Variants in NIPA1 observed in about 807,000 individuals in gnomAD.
The protein encoded by NIPA1 is magnesium transporter NIPA1.
A neutral mutation model predicts 23.9 loss-of-function variants in NIPA1; 13 were observed. The ratio of observed to expected loss-of-function variants is 0.54; its 90% CI spans 0.35 to 0.87. NIPA1 has a LOEUF of 0.87. Among genes scored for constraint, NIPA1 ranks in the 40% least tolerant of loss-of-function variants. NIPA1 has a pLI of 0.01. For synonymous variants in NIPA1, 234 were observed against 202.9 expected (o/e 1.15, Z -1.30); for missense variants, 362 against 429.7 (o/e 0.84, Z 1.39).
chr15:22,790,147 T>G (rs1010325488), intron 1 of NIPA1, among the ~76,000 whole-genome samples: 3 of 152,030 alleles, frequency 2.0e-5, no homozygotes, highest in Admixed American at 6.6e-5. Flanking sequence ...AAGTAGACTT[T>G]GAAGAGGGCC....
At chr15:22,816,387 C>T (rs774141669) in intron 3 of NIPA1, among the ~76,000 whole-genome samples, 19 of 150,164 alleles carry the variant, frequency 1.3e-4, no homozygotes, top group Non-Finnish European at 2.4e-4. Context: ...CGGGGTTTCA[C>T]CATGTTAGCC....
At chr15:22,802,864 G>C (rs796106614) in intron 1 of NIPA1, among the ~76,000 whole-genome samples, 6 of 152,086 alleles carry the variant, frequency 3.9e-5, no homozygotes, top group Admixed American at 2.0e-4. Context: ...CGTGATGTGG[G>C]TATCAGCAAT....
intron 1 of NIPA1, among the ~76,000 whole-genome samples, chr15:22,791,532 G>A (rs1423134924): frequency 7.7e-6 from 1 of 130,580 alleles, no homozygotes; most frequent in African/African-American, 2.9e-5. Context: ...TGCCCAGGCT[G>A]GAGTGCAGTG....
chr15:22,795,050 C>G (rs954249835), intron 1 of NIPA1, among the ~76,000 whole-genome samples: 1 of 152,110 alleles, frequency 6.6e-6, no homozygotes, highest in African/African-American at 2.4e-5. Context: ...GATGGCGAAC[C>G]TGAGCCTTTT....
At chr15:22,804,673 G>T (rs1358215416) in intron 1 of NIPA1, among the ~76,000 whole-genome samples, 4 of 152,094 alleles carry the variant, frequency 2.6e-5, no homozygotes, top group African/African-American at 9.7e-5. Context: ...ACAACATCCA[G>T]TTGGTCCAGC....
At chr15:22,816,277 C>T (rs1895415802) in intron 3 of NIPA1, among the ~76,000 whole-genome samples, 1 of 148,512 alleles carries the variant, frequency 6.7e-6, no homozygotes, top group South Asian at 2.1e-4. Flanking sequence ...CAACCTCCAC[C>T]TCCCGGGTTC....
chr15:22,805,753 A>G (rs548932023), intron 1 of NIPA1, among the ~76,000 whole-genome samples: 4 of 152,308 alleles, frequency 2.6e-5, no homozygotes, highest in Non-Finnish European at 5.9e-5. Flanking sequence ...TAATTTACAA[A>G]GAACTAGTTA....
intron 1 of NIPA1, among the ~76,000 whole-genome samples, chr15:22,802,563 A>G (rs963624565): frequency 3.9e-5 from 6 of 152,046 alleles, no homozygotes; most frequent in Non-Finnish European, 4.4e-5. Flanking sequence ...TTGTTTAAGT[A>G]TTGGGGTATA....
chr15:22,798,877 T>TG (rs1203326973), intron 1 of NIPA1, among the ~76,000 whole-genome samples: 1 of 137,142 alleles, frequency 7.3e-6, no homozygotes, highest in Non-Finnish European at 1.6e-5. Context: ...TTTATTGTGG[T>TG]AAATATCAAA....
At chr15:22,788,367 G>A (rs1894756807) in intron 1 of NIPA1, among the ~76,000 whole-genome samples, 1 of 151,924 alleles carries the variant, frequency 6.6e-6, no homozygotes, top group African/African-American at 2.4e-5. Flanking sequence ...CCGGTGTGGT[G>A]GCACGCACCT....
At chr15:22,818,507 G>A (rs913117988) in intron 3 of NIPA1, among the ~76,000 whole-genome samples, 2 of 148,876 alleles carry the variant, frequency 1.3e-5, no homozygotes, top group Non-Finnish European at 3.0e-5. Flanking sequence ...TTTAAAAATG[G>A]CACTGTCAGC....
At chr15:22,793,377 A>AAAAAC in intron 1 of NIPA1, among the ~76,000 whole-genome samples, 1 of 151,374 alleles carries the variant, frequency 6.6e-6, no homozygotes, top group Non-Finnish European at 1.5e-5. Flanking sequence ...AAAAAAAAAA[A>AAAAAC]AGAGAATACA....
In NIPA1 at chr15:22,820,476, A is replaced by G; in HGVS notation, c.478+3A>G. ...GGAGGAAAAGCTGACCAATCCAGGTAATTCCTTTCTAGCAGCACTGCCAAG... is the reference window on the plus strand; with the variant it reads ...GGAGGAAAAGCTGACCAATCCAGGTGATTCCTTTCTAGCAGCACTGCCAAG... On this transcript the variant is annotated splice_donor_region_variant and intron_variant, in intron 4 of 4. Coordinates refer to ENST00000337435, the MANE Select transcript of NIPA1 (RefSeq NM_144599.5). The G allele has an allele frequency of 1.2e-6, 2 of 1,612,622 alleles. No homozygotes were observed. Among genetic ancestry groups the G allele is most frequent in the African/African-American group, 1.3e-5 (1 of 75,008 alleles).
rs1429307414 is a variant in NIPA1 at position 22,828,427 on chromosome 15, C to T, written c.*4188C>T. The T allele has an allele frequency of 6.6e-6, 1 of 152,480 alleles. No homozygotes were observed. Among genetic ancestry groups the T allele is most frequent in the Non-Finnish European group, 1.5e-5 (1 of 68,024 alleles). The allele number at this position is 152,480 out of a possible 1,614,324, so 9.4% of individuals were successfully genotyped here. On this transcript the variant is annotated 3_prime_UTR_variant, in exon 5 of 5. Transcript: ENST00000337435. ...TGGTGATGAATTTTAAGGGTCTGTCCTTTAGCTTATAGGTGATGTTTCACA... is the reference window on the plus strand; with the variant it reads ...TGGTGATGAATTTTAAGGGTCTGTCTTTTAGCTTATAGGTGATGTTTCACA...
intron 1 of NIPA1, among the ~76,000 whole-genome samples, chr15:22,795,911 G>A (rs1894930273): frequency 6.6e-6 from 1 of 152,016 alleles, no homozygotes; most frequent in Admixed American, 6.6e-5. Context: ...TTAGGGGGAA[G>A]ATAGATAAAT....
chr15:22,819,500 G>C (rs1895493012), intron 3 of NIPA1: 1 of 152,186 alleles, frequency 6.6e-6, no homozygotes. Flanking sequence ...GGAGATTATA[G>C]ATGTTTTTGA....
At chr15:22,818,843 T>G (rs1895476940) in intron 3 of NIPA1, among the ~76,000 whole-genome samples, 1 of 152,176 alleles carries the variant, frequency 6.6e-6, no homozygotes, top group African/African-American at 2.4e-5. Context: ...TCCTCTGGTA[T>G]TCCACAATGG....
chr15:22,822,562 C>T (rs965902025), intron 4 of NIPA1, among the ~76,000 whole-genome samples: 4 of 152,202 alleles, frequency 2.6e-5, no homozygotes, highest in Non-Finnish European at 5.9e-5. Context: ...GGCACAGTGG[C>T]TCACGCCTGT....
At chr15:22,795,715 C>T (rs1384007808) in intron 1 of NIPA1, among the ~76,000 whole-genome samples, 1 of 152,138 alleles carries the variant, frequency 6.6e-6, no homozygotes, top group Non-Finnish European at 1.5e-5. Context: ...CTTGCTCGGG[C>T]TGCTCAAGTG....
Sources: allele counts gnomAD v4.1 joint callset (sites outside exome capture counted in the v4.1 genomes callset), GRCh38; gene constraint gnomAD v4.1.1; transcripts MANE v1.5; gene names NCBI Gene and HGNC (gene_info 2026-07-23, HGNC 2026-07-21).